The following PDLIM5 variants were observed in gnomAD, a reference collection of about 807,000 sequenced individuals.
The protein encoded by PDLIM5 is PDZ and LIM domain 5.
Under a neutral mutation model 64.2 loss-of-function variants are expected in PDLIM5, and 34 were observed. The observed-to-expected ratio is 0.53, with a 90% CI of 0.40 to 0.71. The LOEUF (loss-of-function observed/expected upper bound fraction) is 0.71, where lower values mean the gene tolerates loss of function less well. Among genes scored for constraint, PDLIM5 ranks in the 30% least tolerant of loss-of-function variants. PDLIM5 has a pLI of 0.00. For synonymous variants in PDLIM5, 253 were observed against 269.1 expected, an observed-to-expected ratio of 0.94 and a Z score of 0.59; for missense variants, 683 against 733.6, an observed-to-expected ratio of 0.93 and a Z score of 0.80.
At chr4:94,507,036 G>A (rs910276487) in intron 2 of PDLIM5, among the ~76,000 whole-genome samples, 5 of 152,094 alleles carry the variant, frequency 3.3e-5, no homozygotes, top group Admixed American at 6.6e-5. Context: ...AACACCAGTG[G>A]TTTGCTGGGG....
chr4:94,608,643 C>T (rs1006072967), intron 7 of PDLIM5, among the ~76,000 whole-genome samples: 1 of 152,004 alleles, frequency 6.6e-6, no homozygotes, highest in Admixed American at 6.6e-5. Flanking sequence ...AATTCATTAC[C>T]GTTTCCTTTT....
In PDLIM5 at chr4:94,490,205, G is replaced by A. The variant is rs1036682604; in HGVS notation, c.97-33519G>A. On this transcript the variant is annotated intron_variant, in intron 2 of 12. Transcript: ENST00000317968. ...AATTAATAAACAATTTCAAAATAAT[G>A]TAAACATTTTTGTCAACAATGACTA... Among the ~76,000 whole-genome samples the A allele has an allele frequency of 1.7e-4, 26 of 151,792 alleles. 1 individual carries two copies. Among genetic ancestry groups the A allele is most frequent in the East Asian group, 1.2e-3 (6 of 5,172 alleles).
At chr4:94,526,992 C>T (rs1730420004) in intron 3 of PDLIM5, among the ~76,000 whole-genome samples, 1 of 150,886 alleles carries the variant, frequency 6.6e-6, no homozygotes, top group African/African-American at 2.4e-5. Flanking sequence ...GCCTCGGCCT[C>T]CCAAAGTGCT....
chr4:94,468,467 T>C (rs72874800), intron 2 of PDLIM5, among the ~76,000 whole-genome samples: 2,954 of 152,290 alleles, frequency 0.019, 74 homozygotes, highest in African/African-American at 0.061. Context: ...ATTTTTACAA[T>C]TTCTATGTCT....
At position 94,453,818 on chromosome 4, in the gene PDLIM5, C is replaced by G. The variant is rs115807794; in HGVS notation, c.-42-1429C>G. Among the ~76,000 whole-genome samples the G allele has an allele frequency of 1.2e-3, 182 of 152,178 alleles. 1 individual carries two copies. The highest frequency in any genetic ancestry group is 4.1e-3 in the African/African-American group (172 of 41,518). On this transcript the variant is annotated intron_variant, in intron 1 of 12. Transcript: ENST00000317968. Reference sequence around the variant, plus strand: ...TTGACTTCCGGCTTGGCCTTTGGATCTTTTTTAGTGCTCTGTGCCTATTAC... The same window carrying G: ...TTGACTTCCGGCTTGGCCTTTGGATGTTTTTTAGTGCTCTGTGCCTATTAC...
At chr4:94,651,752 C>T (rs1158193882) in intron 9 of PDLIM5, among the ~76,000 whole-genome samples, 2 of 152,128 alleles carry the variant, frequency 1.3e-5, no homozygotes, top group African/African-American at 4.8e-5. Flanking sequence ...CTGCAGAAAT[C>T]AGGGAGGAAT....
At chr4:94,466,549 T>A (rs1388047221) in intron 2 of PDLIM5, among the ~76,000 whole-genome samples, 1 of 152,228 alleles carries the variant, frequency 6.6e-6, no homozygotes, top group Non-Finnish European at 1.5e-5. Flanking sequence ...GGGAACCATA[T>A]GTAGCTTTGC....
rs1410595349 is a variant in PDLIM5 at position 94,666,846 on chromosome 4, T to A, written c.*2779T>A. The A allele has an allele frequency of 2.0e-5, 3 of 152,202 alleles. No individual in the cohort carries two copies. Among genetic ancestry groups the A allele is most frequent in the African/African-American group, 7.2e-5 (3 of 41,456 alleles). 9.4% of individuals were successfully genotyped at this position (152,202 alleles called of 1,614,324 possible). On this transcript the variant is annotated 3_prime_UTR_variant, in exon 13 of 13. Coordinates refer to ENST00000317968, the MANE Select transcript of PDLIM5 (RefSeq NM_006457.5). ...CTTTGTGCTTTGTCCATCTCTTCCG[T>A]GGCGAAGCTTTATATCTGTTCCTAA...
chr4:94,585,826 A>G, intron 6 of PDLIM5, 89 bp downstream of exon 6: 2 of 964,366 alleles, frequency 2.1e-6, no homozygotes, highest in Non-Finnish European at 3.2e-6. Context: ...TCAGAAAACA[A>G]CCCCGAGACA....
chr4:94,564,877 T>C (rs1192864593), intron 3 of PDLIM5, among the ~76,000 whole-genome samples: 7 of 151,542 alleles, frequency 4.6e-5, no homozygotes, highest in Admixed American at 1.3e-4. Flanking sequence ...AGGATGGTCT[T>C]GATCTCCTGA....
chr4:94,629,941 A>C (rs540162869), intron 8 of PDLIM5, among the ~76,000 whole-genome samples: 1 of 152,284 alleles, frequency 6.6e-6, no homozygotes, highest in Non-Finnish European at 1.5e-5. Flanking sequence ...AGAGTAGACT[A>C]TTGTTTAGGC....
chr4:94,573,452 A>G, intron 4 of PDLIM5, 59 bp downstream of exon 4: 1 of 1,238,714 alleles, frequency 8.1e-7, no homozygotes, highest in Non-Finnish European at 1.2e-6. Flanking sequence ...AGCTACTGTA[A>G]TTCCCATTAC....
chr4:94,596,366 T>C (rs950608028), intron 7 of PDLIM5, among the ~76,000 whole-genome samples: 7 of 152,284 alleles, frequency 4.6e-5, no homozygotes, highest in Admixed American at 2.0e-4. Flanking sequence ...AGGCAGAATT[T>C]TGTCAGACCG....
chr4:94,636,810 C>T (rs1740611628), intron 8 of PDLIM5, among the ~76,000 whole-genome samples: 2 of 152,158 alleles, frequency 1.3e-5, no homozygotes, highest in African/African-American at 4.8e-5. Flanking sequence ...GCTGGGATTA[C>T]AGGCGTGAGC....
chr4:94,483,078 A>G (rs115926200), intron 2 of PDLIM5, among the ~76,000 whole-genome samples: 199 of 152,312 alleles, frequency 1.3e-3, no homozygotes, highest in Admixed American at 3.9e-3. Flanking sequence ...TAAAGCATAT[A>G]TTATTATGAC....
intron 8 of PDLIM5, among the ~76,000 whole-genome samples, chr4:94,619,792 A>AT (rs1228425051): frequency 6.6e-6 from 1 of 151,760 alleles, no homozygotes; most frequent in Non-Finnish European, 1.5e-5. Context: ...TATTATTATT[A>AT]TTTTTTTTCT....
Position 94,659,486 on chromosome 4 carries a change from ATGTGTGTATG to A in PDLIM5, c.1585+1947_1585+1956del, listed in dbSNP as rs1174366447. Among the ~76,000 whole-genome samples, 107 of 113,408 alleles carry A rather than the reference ATGTGTGTATG, an allele frequency of 9.4e-4. No individual in the cohort carries two copies. The South Asian group carries it at 0.014, about 15-fold the overall frequency. 74.4% of individuals were successfully genotyped at this position (113,408 alleles called of 152,430 possible). On this transcript the variant is annotated intron_variant, in intron 11 of 12. Coordinates refer to ENST00000317968, the MANE Select transcript of PDLIM5 (RefSeq NM_006457.5). ...CAGGCATAGAGCAGCTGTAGTATAT[ATGTGTGTATG>A]TGTGTGTGTGTGTGTGTGTGTGTGT...
intron 3 of PDLIM5, among the ~76,000 whole-genome samples, chr4:94,567,036 C>G (rs535543289): frequency 2.0e-5 from 3 of 152,222 alleles, no homozygotes; most frequent in Non-Finnish European, 4.4e-5. Flanking sequence ...CTCTGTCGCC[C>G]AGGCTGGAGT....
Position 94,573,373 on chromosome 4 carries a change from G to A in PDLIM5, c.271G>A (p.Glu91Lys). 6.2e-7 allele frequency: 1 copy of A among 1,612,126 alleles called. No homozygotes were observed. Among genetic ancestry groups the A allele is most frequent in the Non-Finnish European group, 8.5e-7 (1 of 1,179,066 alleles). Residue 91 changes from glutamate (E) to lysine (K), a missense_variant, in exon 4 of 13, where the codon GAG becomes AAG. By Grantham distance (56) the Glu-to-Lys change is moderately conservative. Coordinates refer to ENST00000317968, the MANE Select transcript of PDLIM5 (RefSeq NM_006457.5). The stretch of plus-strand genomic sequence containing the variant: ...CAGAGCATCTGCTGCACCCAAGCCT[G>A]AGCCGGTTCCTGTTCAAAAGGTGTG... ...LQRASAAPKP[E>K]PVPVQKGEPK...
Sources: allele counts gnomAD v4.1 joint callset (sites outside exome capture counted in the v4.1 genomes callset), GRCh38; gene constraint gnomAD v4.1.1; transcripts MANE v1.5; gene names NCBI Gene and HGNC (gene_info 2026-07-23, HGNC 2026-07-21).